The following ROBO2 variants were observed in gnomAD, a reference collection of about 807,000 sequenced individuals.
ROBO2 encodes roundabout homolog 2.
Under a neutral mutation model 160.8 loss-of-function variants are expected in ROBO2, and 53 were observed. That is an observed-to-expected ratio of 0.33 (90% CI 0.26 to 0.41). The LOEUF is 0.41. Among genes scored for constraint, ROBO2 ranks in the 10% least tolerant of loss-of-function variants. The pLI is 1.00. For missense variants in ROBO2, 1,577 were observed against 1,722.4 expected, an observed-to-expected ratio of 0.92 and a Z score of 1.49; for synonymous variants, 664 against 611.7, an observed-to-expected ratio of 1.09 and a Z score of -1.26.
chr3:77,572,047 T>A (rs1334009285), intron 13 of ROBO2, among the ~76,000 whole-genome samples: 2 of 152,026 alleles, frequency 1.3e-5, no homozygotes, highest in African/African-American at 4.8e-5. Context: ...ATTAGCTTCA[T>A]AAAGTCCCTA....
intron 2 of ROBO2, among the ~76,000 whole-genome samples, chr3:77,137,796 T>A (rs1466372890): frequency 6.6e-6 from 1 of 152,178 alleles, no homozygotes; most frequent in East Asian, 1.9e-4. Flanking sequence ...CACATTTTCT[T>A]CAATTTTATC....
chr3:76,536,725 C>T (rs963186411), intron 2 of ROBO2, among the ~76,000 whole-genome samples: 1 of 152,104 alleles, frequency 6.6e-6, no homozygotes, highest in African/African-American at 2.4e-5. Context: ...CTCTTTCCCG[C>T]TCATCTGGGG....
At chr3:77,648,695 G>A (rs1395251303) in exon 26 of ROBO2, 3 of 152,180 alleles carry the variant, frequency 2.0e-5, no homozygotes, top group Non-Finnish European at 2.9e-5. Context: ...GCCTTTGTCA[G>A]CTTGCTACTG....
At chr3:76,953,416 T>C (rs1415075652) in intron 2 of ROBO2, among the ~76,000 whole-genome samples, 2 of 152,146 alleles carry the variant, frequency 1.3e-5, no homozygotes, top group African/African-American at 2.4e-5. Flanking sequence ...AAAGTATACT[T>C]AGGAAGCTTT....
chr3:76,942,713 T>G (rs1577686956), intron 2 of ROBO2, among the ~76,000 whole-genome samples: 1 of 152,190 alleles, frequency 6.6e-6, no homozygotes, highest in Non-Finnish European at 1.5e-5. Context: ...TTAATTCTGA[T>G]TCCAACTACT....
intron 2 of ROBO2, among the ~76,000 whole-genome samples, chr3:77,324,787 G>GAAA (rs34331921): frequency 3.1e-5 from 3 of 96,712 alleles, no homozygotes; most frequent in African/African-American, 9.5e-5. Flanking sequence ...GTCTCAAAAA[G>GAAA]AAAAAAAAAA....
intron 2 of ROBO2, among the ~76,000 whole-genome samples, chr3:77,158,657 A>T (rs185701767): frequency 8.6e-4 from 131 of 152,272 alleles, no homozygotes; most frequent in Non-Finnish European, 1.7e-3. Flanking sequence ...AACTAAAAGT[A>T]TGTGCTAAGA....
At chr3:76,453,241 G>A (rs979077334) in intron 2 of ROBO2, among the ~76,000 whole-genome samples, 1 of 152,184 alleles carries the variant, frequency 6.6e-6, no homozygotes, top group African/African-American at 2.4e-5. Context: ...TAGACATGAA[G>A]TCCTTGTCCA....
At chr3:77,644,710 C>G (rs1170099455) in exon 25 of ROBO2, 4 of 1,613,802 alleles carry the variant, frequency 2.5e-6, no homozygotes, top group Middle Eastern at 1.7e-4. Flanking sequence ...TCAGAGGAGG[C>G]CTTGGTGCCC....
Position 77,330,541 on chromosome 3 carries a change from A to C in ROBO2, c.389-146873A>C, listed in dbSNP as rs573375392. Among the ~76,000 whole-genome samples the C allele has an allele frequency of 7.4e-4, 113 of 152,350 alleles. No individual in the cohort carries two copies. The Middle Eastern group carries it at 0.014, about 18-fold the overall frequency. ...TCTTTATTTTCTCCAAAAAGAAAAT[A>C]AAGATTATACTTATACTTGAGTAGC... is the stretch of plus-strand genomic sequence containing the variant. On this transcript the variant is annotated intron_variant, in intron 2 of 25. Transcript: ENST00000461745.
In ROBO2 at chr3:76,009,148, G is replaced by T. The variant is rs943566144; in HGVS notation, c.109+71546G>T. Among the ~76,000 whole-genome samples, 7 of 152,202 alleles carry T rather than the reference G, an allele frequency of 4.6e-5. No homozygotes were observed. The East Asian group carries it at 1.4e-3, about 29-fold the overall frequency. On this transcript the variant is annotated intron_variant, in intron 2 of 26. Transcript: ENST00000487694. Reference sequence around the variant, plus strand: ...GACTGAGTCTTGCTCTGTCGCCCAGGCTGGAGTGCAGGGGCGCGATCTCGG... The same window carrying T: ...GACTGAGTCTTGCTCTGTCGCCCAGTCTGGAGTGCAGGGGCGCGATCTCGG...
chr3:76,178,898 G>A (rs1337682425), intron 2 of ROBO2, among the ~76,000 whole-genome samples: 1 of 152,052 alleles, frequency 6.6e-6, no homozygotes, highest in Non-Finnish European at 1.5e-5. Flanking sequence ...CTGAGGTCGT[G>A]CCATTGTACT....
intron 2 of ROBO2, among the ~76,000 whole-genome samples, chr3:77,268,040 T>C (rs1200387058): frequency 6.6e-6 from 1 of 152,214 alleles, no homozygotes; most frequent in African/African-American, 2.4e-5. Context: ...AAAATGCTGT[T>C]CCCTGCTGGG....
chr3:76,404,018 A>T (rs556369255), intron 2 of ROBO2, among the ~76,000 whole-genome samples: 3 of 151,784 alleles, frequency 2.0e-5, no homozygotes, highest in Admixed American at 2.0e-4. Flanking sequence ...AACCATAGAC[A>T]GTGTATTTTC....
At chr3:77,099,583 C>T (rs1477420796) in intron 2 of ROBO2, among the ~76,000 whole-genome samples, 1 of 152,150 alleles carries the variant, frequency 6.6e-6, no homozygotes, top group Admixed American at 6.5e-5. Flanking sequence ...AAAAAGCCCT[C>T]AAATTAAATG....
At chr3:76,421,020 T>G (rs1197387671) in intron 2 of ROBO2, among the ~76,000 whole-genome samples, 1 of 152,228 alleles carries the variant, frequency 6.6e-6, no homozygotes, top group East Asian at 1.9e-4. Flanking sequence ...ATAGGACTTA[T>G]CAGCAGGAAA....
intron 2 of ROBO2, among the ~76,000 whole-genome samples, chr3:76,803,573 C>A (rs1222148000): frequency 6.6e-6 from 1 of 151,806 alleles, no homozygotes; most frequent in Non-Finnish European, 1.5e-5. Context: ...GGAAAAAAAA[C>A]ACACAGACGT....
chr3:76,221,172 A>C (rs1411883350), intron 2 of ROBO2, among the ~76,000 whole-genome samples: 1 of 152,254 alleles, frequency 6.6e-6, no homozygotes, highest in Non-Finnish European at 1.5e-5. Context: ...TCCTCCATCT[A>C]GAACTAAGTC....
intron 2 of ROBO2, among the ~76,000 whole-genome samples, chr3:76,366,387 C>A (rs1184590336): frequency 6.6e-6 from 1 of 151,942 alleles, no homozygotes; most frequent in African/African-American, 2.4e-5. Flanking sequence ...TTAAATACTT[C>A]AGATTTTTTT....
Sources: gnomAD v4.1 joint callset for allele counts (sites outside exome capture counted in the v4.1 genomes callset) on GRCh38, gnomAD v4.1.1 for gene constraint, MANE v1.5 for transcripts, NCBI Gene and HGNC (gene_info 2026-07-23, HGNC 2026-07-21) for gene names.